ATP8A2: variants seen among roughly 807,000 people sequenced by gnomAD.
The protein encoded by ATP8A2 is ATPase phospholipid transporting 8A2.
Under a neutral mutation model 165.6 loss-of-function variants are expected in ATP8A2, and 100 were observed. The ratio of observed to expected loss-of-function variants is 0.60; its 90% CI spans 0.51 to 0.71. The LOEUF is 0.71. Among genes scored for constraint, ATP8A2 ranks in the 30% least tolerant of loss-of-function variants. The pLI, the probability that ATP8A2 is intolerant of heterozygous loss-of-function variation, is 0.00. For missense variants in ATP8A2, 1,227 were observed against 1,479.5 expected, an observed-to-expected ratio of 0.83 and a Z score of 2.80; for synonymous variants, 543 against 548.8, an observed-to-expected ratio of 0.99 and a Z score of 0.15.
intron 27 of ATP8A2, among the ~76,000 whole-genome samples, chr13:25,783,799 T>C (rs2044948918): frequency 6.6e-6 from 1 of 152,194 alleles, no homozygotes; most frequent in African/African-American, 2.4e-5. Context: ...CAGCCCTTAG[T>C]ACCTAACAGA....
At chr13:26,003,701 G>A (rs1428192490) in intron 35 of ATP8A2, among the ~76,000 whole-genome samples, 2 of 152,094 alleles carry the variant, frequency 1.3e-5, no homozygotes, top group African/African-American at 4.8e-5. Context: ...TTTGTATATG[G>A]TGTGAGATAA....
intron 2 of ATP8A2, among the ~76,000 whole-genome samples, chr13:25,472,393 C>CA (rs71186886): frequency 0.33 from 30,455 of 93,224 alleles, 3,617 homozygotes; most frequent in African/African-American, 0.38. Flanking sequence ...GACTCCGTCT[C>CA]AAAAAAAAAA....
At chr13:25,784,417 T>G (rs1025210322) in intron 27 of ATP8A2, among the ~76,000 whole-genome samples, 1 of 152,240 alleles carries the variant, frequency 6.6e-6, no homozygotes, top group Admixed American at 6.5e-5. Flanking sequence ...AATTCCAATT[T>G]GCTTCCCTTC....
chr13:25,589,925 A>ATC (rs2040026190), intron 24 of ATP8A2, among the ~76,000 whole-genome samples: 1 of 152,194 alleles, frequency 6.6e-6, no homozygotes, highest in African/African-American at 2.4e-5. Context: ...ACTTTTATTC[A>ATC]TCTAGAATTG....
At chr13:25,420,241 T>TA (rs911481052) in intron 1 of ATP8A2, among the ~76,000 whole-genome samples, 2 of 152,226 alleles carry the variant, frequency 1.3e-5, no homozygotes, top group Admixed American at 6.5e-5. Flanking sequence ...TGTATTTTTT[T>TA]AAAAAACCAC....
chr13:25,990,473 C>G (rs924992571), intron 35 of ATP8A2, among the ~76,000 whole-genome samples: 1 of 152,078 alleles, frequency 6.6e-6, no homozygotes, highest in African/African-American at 2.4e-5. Context: ...GACTTGTCCA[C>G]GGGAAGAACA....
intron 27 of ATP8A2, among the ~76,000 whole-genome samples, chr13:25,784,220 A>C (rs1446242841): frequency 5.9e-5 from 9 of 151,640 alleles, no homozygotes; most frequent in Non-Finnish European, 1.3e-4. Context: ...AAAATGTTTT[A>C]ATCTCCTTGG....
chr13:25,808,796 T>G (rs550920666), intron 27 of ATP8A2, among the ~76,000 whole-genome samples: 1 of 152,222 alleles, frequency 6.6e-6, no homozygotes, highest in African/African-American at 2.4e-5. Flanking sequence ...TAAAATTTTT[T>G]TTCATCTTTC....
intron 24 of ATP8A2, among the ~76,000 whole-genome samples, chr13:25,667,166 C>G (rs1168890728): frequency 6.6e-6 from 1 of 152,134 alleles, no homozygotes; most frequent in Non-Finnish European, 1.5e-5. Flanking sequence ...CTCAAAATCA[C>G]CAGTCTGTTT....
chr13:25,705,826 C>T (rs990331952), intron 25 of ATP8A2, among the ~76,000 whole-genome samples: 6 of 152,202 alleles, frequency 3.9e-5, no homozygotes, highest in African/African-American at 1.4e-4. Context: ...CGAAGGGTTA[C>T]ACCTTTTACA....
intron 33 of ATP8A2, among the ~76,000 whole-genome samples, chr13:25,881,779 A>C (rs1952986871): frequency 6.6e-6 from 1 of 152,178 alleles, no homozygotes; most frequent in Non-Finnish European, 1.5e-5. Flanking sequence ...CAAGGCAGCA[A>C]CATCAGCCTC....
intron 2 of ATP8A2, among the ~76,000 whole-genome samples, chr13:25,472,405 A>AT (rs2035871286): frequency 2.0e-5 from 3 of 149,630 alleles, no homozygotes; most frequent in African/African-American, 5.0e-5. Flanking sequence ...AAAAAAAAAA[A>AT]AAAAAATTGA....
intron 2 of ATP8A2, among the ~76,000 whole-genome samples, chr13:25,481,407 G>C (rs372600390): frequency 6.6e-6 from 1 of 152,162 alleles, no homozygotes; most frequent in Non-Finnish European, 1.5e-5. Flanking sequence ...GAGACTCAAC[G>C]CCCATGCATC....
At chr13:25,447,821 A>G (rs2035111508) in intron 1 of ATP8A2, among the ~76,000 whole-genome samples, 1 of 152,156 alleles carries the variant, frequency 6.6e-6, no homozygotes, top group African/African-American at 2.4e-5. Flanking sequence ...AGTGGCTTTC[A>G]GTGGGATGGG....
At chr13:25,446,519 C>T (rs1593318141) in intron 1 of ATP8A2, among the ~76,000 whole-genome samples, 1 of 151,780 alleles carries the variant, frequency 6.6e-6, no homozygotes, top group Admixed American at 6.6e-5. Context: ...CCTAGGGTTC[C>T]AAAGCCTGGA....
rs193050543 is a variant in ATP8A2 at position 25,475,214 on chromosome 13, C to G, written c.221+6093C>G. ...AGGCCTCAGTGTCTGTTGTTTCCTT[C>G]TTTGTGTCCATGAGTTCTCATCATT... is the stretch of plus-strand genomic sequence containing the variant. On this transcript the variant is annotated intron_variant, in intron 2 of 36. Transcript: ENST00000381655. Among the ~76,000 whole-genome samples, 380 of 152,224 alleles carry G rather than the reference C, an allele frequency of 2.5e-3. 1 individual carries two copies. Among genetic ancestry groups the G allele is most frequent in the Non-Finnish European group, 3.9e-3 (263 of 68,012 alleles).
chr13:25,860,342 C>CATT, intron 31 of ATP8A2, 86 bp downstream of exon 31: 1 of 698,548 alleles, frequency 1.4e-6, no homozygotes, highest in East Asian at 2.7e-5. Flanking sequence ...GGGCCTTCCT[C>CATT]ATTATTATTA....
At chr13:25,466,716 C>G (rs983564898) in intron 1 of ATP8A2, among the ~76,000 whole-genome samples, 9 of 152,156 alleles carry the variant, frequency 5.9e-5, no homozygotes, top group African/African-American at 2.2e-4. Flanking sequence ...ATTGTGGAAG[C>G]TGCATTGGTA....
intron 24 of ATP8A2, chr13:25,591,306 C>T (rs2040069857): frequency 2.2e-6 from 1 of 456,572 alleles, no homozygotes; most frequent in Non-Finnish European, 4.4e-6. Flanking sequence ...AACAACTACT[C>T]TCCATTCCCA....
Sources: allele counts gnomAD v4.1 joint callset (sites outside exome capture counted in the v4.1 genomes callset), GRCh38; gene constraint gnomAD v4.1.1; transcripts MANE v1.5; gene names NCBI Gene and HGNC (gene_info 2026-07-23, HGNC 2026-07-21).